MID1: variants seen among roughly 807,000 people sequenced by gnomAD.
MID1 encodes E3 ubiquitin-protein ligase Midline-1.
In MID1, 7 loss-of-function variants were observed where a neutral mutation model predicts 40.4. That is an observed-to-expected ratio of 0.17 (90% confidence interval 0.10 to 0.33). The LOEUF is 0.33. Ranked by LOEUF, MID1 falls within the 10% of genes least tolerant of loss-of-function variation. The probability of loss-of-function intolerance (pLI) is 1.00; values close to 1 mark genes in which losing one functional copy is unlikely to be tolerated. For synonymous variants in MID1, 229 were observed against 221.2 expected, an observed-to-expected ratio of 1.04 and a Z score of -0.31; for missense variants, 367 against 558.5, an observed-to-expected ratio of 0.66 and a Z score of 3.46.
At chrX:10,833,097 C>T (rs1187317316) in intron 1 of MID1, among the ~76,000 whole-genome samples, 1 of 112,115 alleles carries the variant, frequency 8.9e-6, no homozygotes, top group Non-Finnish European at 1.9e-5. Flanking sequence ...TTTGCTGCTG[C>T]GTGAATGAAA....
At chrX:10,619,296 G>A (rs983455092) in intron 1 of MID1, among the ~76,000 whole-genome samples, 4 of 112,293 alleles carry the variant, frequency 3.6e-5, no homozygotes, top group African/African-American at 1.3e-4. Context: ...CCACTTAGAA[G>A]AAAAAGTGAA....
chrX:10,785,842 T>A (rs1448933080), intron 1 of MID1, among the ~76,000 whole-genome samples: 1 of 112,301 alleles, frequency 8.9e-6, no homozygotes, highest in Non-Finnish European at 1.9e-5. Context: ...ATTTAAATGT[T>A]AGACCTAAAA....
At chrX:10,822,926 G>C (rs1375941252) in intron 1 of MID1, among the ~76,000 whole-genome samples, 2 of 111,706 alleles carry the variant, frequency 1.8e-5, no homozygotes, top group African/African-American at 3.3e-5. Flanking sequence ...ATTCCTCAAA[G>C]ATCTAGAGGC....
chrX:10,636,785 G>GAT lies in MID1; in HGVS notation c.-186-16368_-186-16367dup, dbSNP rs60188235. Among the ~76,000 whole-genome samples the GAT allele has an allele frequency of 7.2e-3, 309 of 42,682 alleles. 10 individuals carry two copies. Among genetic ancestry groups the GAT allele is most frequent in the Middle Eastern group, 0.015 (1 of 68 alleles). 37.1% of individuals were successfully genotyped at this position (42,682 alleles called of 115,157 possible). A position where few individuals can be genotyped will look rare whatever the true frequency, so the allele number is the denominator to read the frequency against. ...CAAACTGGGCCATTCCAACAATGGG[G>GAT]ATATATATATATATATATATATATA... On this transcript the variant is annotated intron_variant, in intron 1 of 10. Transcript: ENST00000380785.
At chrX:10,544,447 GA>G (rs904965160) in intron 2 of MID1, among the ~76,000 whole-genome samples, 2 of 111,274 alleles carry the variant, frequency 1.8e-5, no homozygotes, top group Non-Finnish European at 3.8e-5. Flanking sequence ...TTGAGGAGGG[GA>G]AAAAAAAGCA....
chrX:10,716,272 T>C (rs2043302509), intron 1 of MID1, among the ~76,000 whole-genome samples: 1 of 111,233 alleles, frequency 9.0e-6, no homozygotes, highest in African/African-American at 3.3e-5. Flanking sequence ...TTCGAACCCA[T>C]GGCAAAAAAG....
chrX:10,535,771 T>C (rs1327796596), intron 2 of MID1, among the ~76,000 whole-genome samples: 1 of 112,256 alleles, frequency 8.9e-6, no homozygotes, highest in Non-Finnish European at 1.9e-5. Flanking sequence ...AACTTAAATA[T>C]TTAGGAAAAA....
intron 8 of MID1, 25 bp downstream of exon 8, chrX:10,459,621 G>C: frequency 8.3e-7 from 1 of 1,202,836 alleles, no homozygotes; most frequent in Non-Finnish European, 1.1e-6. Context: ...AGACATGACA[G>C]CTCTGTTGAG....
chrX:10,672,635 C>T (rs2042995384), intron 1 of MID1, among the ~76,000 whole-genome samples: 1 of 111,653 alleles, frequency 9.0e-6, no homozygotes, highest in Non-Finnish European at 1.9e-5. Context: ...TGCAGGCCTG[C>T]TGATACCTTG....
chrX:10,743,344 G>C (rs1391325325), intron 1 of MID1, among the ~76,000 whole-genome samples: 1 of 112,422 alleles, frequency 8.9e-6, no homozygotes, highest in Non-Finnish European at 1.9e-5. Flanking sequence ...AAACACATTG[G>C]CCAAAGATAA....
chrX:10,595,581 T>G (rs1935395252), intron 1 of MID1, among the ~76,000 whole-genome samples: 1 of 111,650 alleles, frequency 9.0e-6, no homozygotes. Flanking sequence ...AAATACCACA[T>G]GATCTCACTC....
chrX:10,763,628 G>T (rs1318553331), intron 1 of MID1, among the ~76,000 whole-genome samples: 1 of 111,637 alleles, frequency 9.0e-6, no homozygotes, highest in Non-Finnish European at 1.9e-5. Context: ...ATAAACATAT[G>T]TGTGCATGTG....
At chrX:10,566,532 C>CCTCTCTCTCTCTCT (rs773613255) in intron 2 of MID1, among the ~76,000 whole-genome samples, 11 of 52,843 alleles carry the variant, frequency 2.1e-4, no homozygotes, top group African/African-American at 5.4e-4. Context: ...CCTCTCTCTC[C>CCTCTCTCTCTCTCT]CTCTCTCTCT....
Position 10,734,079 on chromosome X carries a change from T to C in MID1, c.-187+99475A>G, listed in dbSNP as rs139104956. On this transcript the variant is annotated intron_variant, in intron 1 of 10. Coordinates refer to the MID1 transcript ENST00000380785. The stretch of plus-strand genomic sequence containing the variant: ...CATCAAAAGGTGAATGTAAAAGACA[T>C]GTGCACGCAAATGTTCTTTGCAGCA... Among the ~76,000 whole-genome samples the C allele has an allele frequency of 6.1e-3, 683 of 112,427 alleles. 5 individuals carry two copies. The highest frequency in any genetic ancestry group is 0.021 in the African/African-American group (638 of 30,988).
At chrX:10,502,467 A>G (rs1172424053) in intron 3 of MID1, among the ~76,000 whole-genome samples, 1 of 111,754 alleles carries the variant, frequency 8.9e-6, no homozygotes, top group Non-Finnish European at 1.9e-5. Context: ...GGTGTTGAGA[A>G]GAGGGTTGCT....
At chrX:10,622,659 G>A (rs940067938), upstream of MID1, among the ~76,000 whole-genome samples, 2 of 111,663 alleles carry the variant, frequency 1.8e-5, no homozygotes, top group Non-Finnish European at 3.8e-5. Context: ...CACCAAATCT[G>A]CTGGCACCTT....
intron 7 of MID1, among the ~76,000 whole-genome samples, chrX:10,463,700 G>GTGTT (rs1250487231): frequency 9.0e-6 from 1 of 111,702 alleles, no homozygotes; most frequent in South Asian, 3.7e-4. Flanking sequence ...CAAGACTAAG[G>GTGTT]TGTTTACTAT....
intron 1 of MID1, among the ~76,000 whole-genome samples, chrX:10,705,307 T>G (rs1379668453): frequency 1.8e-5 from 2 of 111,937 alleles, no homozygotes; most frequent in Non-Finnish European, 3.8e-5. Context: ...GGGATTAACT[T>G]TTTGCATCTT....
At chrX:10,763,038 C>T (rs928226475) in intron 1 of MID1, among the ~76,000 whole-genome samples, 6 of 110,958 alleles carry the variant, frequency 5.4e-5, no homozygotes, top group Admixed American at 1.9e-4. Flanking sequence ...ACGTATTTTC[C>T]GCTTTGTGGG....
Sources: allele counts gnomAD v4.1 joint callset (sites outside exome capture counted in the v4.1 genomes callset), GRCh38; gene constraint gnomAD v4.1.1; transcripts MANE v1.5; gene names NCBI Gene and HGNC (gene_info 2026-07-23, HGNC 2026-07-21).